COL5A2: variants seen among roughly 807,000 people sequenced by gnomAD.
The protein encoded by COL5A2 is collagen type V alpha 2 chain, also known as collagen alpha-2(V) chain.
Under a neutral mutation model 208.2 loss-of-function variants are expected in COL5A2, and 23 were observed. The ratio of observed to expected loss-of-function variants is 0.11; its 90% CI spans 0.08 to 0.16. The LOEUF (loss-of-function observed/expected upper bound fraction) is 0.16, where lower values mean the gene tolerates loss of function less well. Ranked by LOEUF, COL5A2 falls within the 10% of genes least tolerant of loss-of-function variation. COL5A2 has a pLI of 1.00. For missense variants in COL5A2, 1,590 were observed against 1,956.4 expected, an observed-to-expected ratio of 0.81 and a Z score of 3.53; for synonymous variants, 625 against 628.5, an observed-to-expected ratio of 0.99 and a Z score of 0.08.
At chr2:189,418,320 G>A in the COL5A2 span, among the ~76,000 whole-genome samples, 1 of 152,138 alleles carries the variant, frequency 6.6e-6, no homozygotes, top group Non-Finnish European at 1.5e-5. Flanking sequence ...ATCTTGAATG[G>A]TGGCACCAGT....
chr2:189,153,251 G>A (rs898549121), intron 1 of COL5A2, among the ~76,000 whole-genome samples: 3 of 152,176 alleles, frequency 2.0e-5, no homozygotes, highest in African/African-American at 7.2e-5. Flanking sequence ...AAATTGGTTG[G>A]AAGGAGTCAG....
the COL5A2 span, among the ~76,000 whole-genome samples, chr2:189,396,605 C>T: frequency 2.1e-5 from 3 of 143,254 alleles, no homozygotes; most frequent in Non-Finnish European, 3.0e-5. Context: ...ACCCGGGAGG[C>T]GGAGCTTGCA....
chr2:189,043,042 A>C, intron 48 of COL5A2, 109 bp downstream of exon 48: 1 of 870,252 alleles, frequency 1.1e-6, no homozygotes, highest in East Asian at 2.6e-5. Flanking sequence ...TTGAACTGAA[A>C]ATAAGATACA....
chr2:189,164,302 C>T (rs893257968), intron 1 of COL5A2, among the ~76,000 whole-genome samples: 26 of 152,242 alleles, frequency 1.7e-4, no homozygotes, highest in Non-Finnish European at 3.1e-4. Flanking sequence ...CAGGAAGCTA[C>T]ATTTCACTTG....
the COL5A2 span, among the ~76,000 whole-genome samples, chr2:189,391,511 A>G: frequency 6.6e-6 from 1 of 152,158 alleles, no homozygotes; most frequent in African/African-American, 2.4e-5. Flanking sequence ...ATAGCAATCT[A>G]GTGTATCAGA....
At chr2:189,309,020 G>A in the COL5A2 span, among the ~76,000 whole-genome samples, 20 of 152,096 alleles carry the variant, frequency 1.3e-4, no homozygotes, top group Non-Finnish European at 2.2e-4. Flanking sequence ...TTCTGATTTG[G>A]TGACTCTCTT....
chr2:189,274,783 T>A, the COL5A2 span, among the ~76,000 whole-genome samples: 1 of 152,304 alleles, frequency 6.6e-6, no homozygotes, highest in African/African-American at 2.4e-5. Flanking sequence ...TATATTTTTA[T>A]CTTTATACTT....
At chr2:189,115,806 A>G (rs1363487827) in intron 1 of COL5A2, among the ~76,000 whole-genome samples, 1 of 152,236 alleles carries the variant, frequency 6.6e-6, no homozygotes, top group East Asian at 1.9e-4. Flanking sequence ...GAGGAAAGTA[A>G]GGAACTAGTT....
intron 25 of COL5A2, among the ~76,000 whole-genome samples, 156 bp downstream of exon 25, chr2:189,064,401 T>C (rs1686100288): frequency 6.6e-6 from 1 of 152,092 alleles, no homozygotes; most frequent in Admixed American, 6.6e-5. Context: ...CAAACCAGTA[T>C]TTTTTAAAAT....
rs1024530560 is a variant in COL5A2 at position 189,068,978 on chromosome 2, C to T, written c.1159-94G>A. 3.4e-6 allele frequency: 3 copies of T among 882,158 alleles called. No homozygotes were observed. The African/African-American group carries it at 5.0e-5, about 15-fold the overall frequency. 54.6% of individuals were successfully genotyped at this position (882,158 alleles called of 1,614,324 possible). A position where few individuals can be genotyped will look rare whatever the true frequency, so the allele number is the denominator to read the frequency against. Reference sequence around the variant, plus strand: ...CTTATTTGGAATTTTACATTTGAAACCCAAATACTGAAAGAGGCCAAAGAG... The same window carrying T: ...CTTATTTGGAATTTTACATTTGAAATCCAAATACTGAAAGAGGCCAAAGAG... On this transcript the variant is annotated intron_variant, in intron 18 of 53. Transcript: ENST00000374866.
At chr2:189,081,612 A>G (rs1686535533) in intron 12 of COL5A2, among the ~76,000 whole-genome samples, 1 of 111,922 alleles carries the variant, frequency 8.9e-6, no homozygotes, top group African/African-American at 3.2e-5. Flanking sequence ...ATTGTTTAGA[A>G]AAAAACTTTG....
chr2:189,298,329 T>C, the COL5A2 span, among the ~76,000 whole-genome samples: 1 of 152,090 alleles, frequency 6.6e-6, no homozygotes, highest in African/African-American at 2.4e-5. Flanking sequence ...GTTGTATGAG[T>C]TAATAGAAAA....
chr2:189,045,441 T>C (rs536596826), intron 46 of COL5A2, among the ~76,000 whole-genome samples: 1 of 151,842 alleles, frequency 6.6e-6, no homozygotes, highest in Admixed American at 6.6e-5. Flanking sequence ...ATAACTTCAA[T>C]GACACTTTTA....
At chr2:189,053,809 T>C (rs1685841684) in intron 37 of COL5A2, 86 bp downstream of exon 37, 1 of 1,194,138 alleles carries the variant, frequency 8.4e-7, no homozygotes, top group Non-Finnish European at 1.2e-6. Flanking sequence ...CCAATAAGCA[T>C]TGTTTTATAT....
the COL5A2 span, among the ~76,000 whole-genome samples, chr2:189,384,647 A>G: frequency 6.6e-6 from 1 of 152,030 alleles, no homozygotes; most frequent in Non-Finnish European, 1.5e-5. Flanking sequence ...CTGGTTATTA[A>G]TCTCTTTTCA....
chr2:189,218,421 G>T (rs988231045), intron 1 of COL5A2, among the ~76,000 whole-genome samples: 11 of 152,094 alleles, frequency 7.2e-5, no homozygotes, highest in African/African-American at 2.4e-4. Context: ...AAACACAAAC[G>T]GTTACTAGGA....
At chr2:189,400,810 T>C in the COL5A2 span, among the ~76,000 whole-genome samples, 1 of 152,186 alleles carries the variant, frequency 6.6e-6, no homozygotes, top group Non-Finnish European at 1.5e-5. Context: ...AAAATATAAT[T>C]TTAATAAAGC....
chr2:189,196,194 AT>A (rs1688999114), intron 1 of COL5A2, among the ~76,000 whole-genome samples: 1 of 152,210 alleles, frequency 6.6e-6, no homozygotes, highest in African/African-American at 2.4e-5. Context: ...CAACAAACAT[AT>A]GAAAAAAGTA....
At chr2:189,121,707 A>G (rs1208898691) in intron 1 of COL5A2, among the ~76,000 whole-genome samples, 1 of 117,086 alleles carries the variant, frequency 8.5e-6, no homozygotes, top group Non-Finnish European at 1.6e-5. Flanking sequence ...ACTGCACTCC[A>G]GCCTGGGTGA....
Sources: allele counts gnomAD v4.1 joint callset (sites outside exome capture counted in the v4.1 genomes callset), GRCh38; gene constraint gnomAD v4.1.1; transcripts MANE v1.5; gene names NCBI Gene and HGNC (gene_info 2026-07-23, HGNC 2026-07-21).